CCDC91: variants seen among roughly 807,000 people sequenced by gnomAD.
CCDC91 encodes coiled-coil domain-containing protein 91.
Under a neutral mutation model 63.2 loss-of-function variants are expected in CCDC91, and 48 were observed. The observed-to-expected ratio is 0.76, with a 90% CI of 0.60 to 0.97. The LOEUF is 0.97. Ranked by LOEUF, CCDC91 falls within the 50% of genes least tolerant of loss-of-function variation. The pLI is 0.00. For missense variants in CCDC91, 500 were observed against 494.6 expected, an observed-to-expected ratio of 1.01 and a Z score of -0.10; for synonymous variants, 167 against 165.8, an observed-to-expected ratio of 1.01 and a Z score of -0.06.
intron 12 of CCDC91, among the ~76,000 whole-genome samples, chr12:28,542,697 G>T (rs534160134): frequency 9.9e-5 from 15 of 152,090 alleles, no homozygotes; most frequent in African/African-American, 3.6e-4. Flanking sequence ...TCCTGAAATT[G>T]GTTCAGAGTC....
At chr12:28,282,171 A>G (rs1948650361) in intron 3 of CCDC91, among the ~76,000 whole-genome samples, 1 of 152,214 alleles carries the variant, frequency 6.6e-6, no homozygotes, top group South Asian at 2.1e-4. Flanking sequence ...AATGCGTTTT[A>G]TTTTTCTTAC....
chr12:28,221,685 A>G, intron 1 of CCDC91, among the ~76,000 whole-genome samples: 1 of 152,192 alleles, frequency 6.6e-6, no homozygotes, highest in Non-Finnish European at 1.5e-5. Context: ...ATATATTACT[A>G]GGTTTATCCA....
intron 12 of CCDC91, among the ~76,000 whole-genome samples, chr12:28,525,768 T>C (rs544149046): frequency 6.6e-6 from 1 of 152,278 alleles, no homozygotes; most frequent in Non-Finnish European, 1.5e-5. Flanking sequence ...AATTGTTTTA[T>C]AAATTTGGGA....
chr12:28,224,440 TC>T (rs1944146250), intron 1 of CCDC91, among the ~76,000 whole-genome samples: 1 of 152,178 alleles, frequency 6.6e-6, no homozygotes, highest in African/African-American at 2.4e-5. Flanking sequence ...GGGGAGTATT[TC>T]CTCCCTTTTT....
intron 8 of CCDC91, among the ~76,000 whole-genome samples, chr12:28,398,944 T>G (rs1262513247): frequency 6.6e-6 from 1 of 152,232 alleles, no homozygotes; most frequent in African/African-American, 2.4e-5. Context: ...TCTGTCTTCC[T>G]TTTCACTTCT....
intron 8 of CCDC91, among the ~76,000 whole-genome samples, chr12:28,414,065 C>A (rs770695853): frequency 6.6e-6 from 1 of 152,190 alleles, no homozygotes; most frequent in Non-Finnish European, 1.5e-5. Context: ...CATTCAGGAA[C>A]ATTTCCAAGA....
At chr12:28,376,929 T>C (rs1169309330) in intron 7 of CCDC91, among the ~76,000 whole-genome samples, 1 of 151,804 alleles carries the variant, frequency 6.6e-6, no homozygotes, top group Non-Finnish European at 1.5e-5. Flanking sequence ...CATGGTACAA[T>C]AGTGAGTGGA....
At chr12:28,402,520 ATTTTTTTTT>A (rs57398967) in intron 8 of CCDC91, among the ~76,000 whole-genome samples, 24 of 51,944 alleles carry the variant, frequency 4.6e-4, no homozygotes, top group South Asian at 3.8e-3. Context: ...AGTTCCAGGA[ATTTTTTTTT>A]TTTTTTTTTT....
chr12:28,311,877 C>T (rs950576523), intron 6 of CCDC91, among the ~76,000 whole-genome samples: 2 of 151,876 alleles, frequency 1.3e-5, no homozygotes, highest in African/African-American at 2.4e-5. Context: ...CTGGCTATTC[C>T]ACTCCCCAGT....
At chr12:28,238,337 C>T (rs1945104497) in intron 1 of CCDC91, among the ~76,000 whole-genome samples, 1 of 152,096 alleles carries the variant, frequency 6.6e-6, no homozygotes, top group South Asian at 2.1e-4. Flanking sequence ...TGATATATAA[C>T]CTTGTATCTA....
At chr12:28,310,732 G>A (rs1359833702) in intron 6 of CCDC91, among the ~76,000 whole-genome samples, 4 of 151,844 alleles carry the variant, frequency 2.6e-5, no homozygotes, top group Admixed American at 6.6e-5. Flanking sequence ...CCAATTCTTT[G>A]TTTTTTATTT....
At chr12:28,331,033 A>C (rs1941459553) in intron 6 of CCDC91, among the ~76,000 whole-genome samples, 1 of 152,204 alleles carries the variant, frequency 6.6e-6, no homozygotes, top group Admixed American at 6.5e-5. Flanking sequence ...TTATGCTTCC[A>C]GATTAGAATT....
At chr12:28,300,596 G>A (rs1210983123) in intron 3 of CCDC91, among the ~76,000 whole-genome samples, 1 of 151,356 alleles carries the variant, frequency 6.6e-6, no homozygotes, top group African/African-American at 2.4e-5. Flanking sequence ...GGGTTGTTCT[G>A]TTCTCTCAAG....
intron 3 of CCDC91, among the ~76,000 whole-genome samples, chr12:28,291,546 G>T (rs534593303): frequency 6.1e-4 from 93 of 152,284 alleles, no homozygotes; most frequent in African/African-American, 2.2e-3. Flanking sequence ...CCACCAACCA[G>T]TGACCATGAA....
At chr12:28,517,427 T>C (rs1940073998) in intron 12 of CCDC91, among the ~76,000 whole-genome samples, 1 of 151,974 alleles carries the variant, frequency 6.6e-6, no homozygotes, top group Non-Finnish European at 1.5e-5. Context: ...TCTGTTTTGT[T>C]AAGTATAATG....
chr12:28,394,359 C>T (rs889538428), intron 8 of CCDC91, among the ~76,000 whole-genome samples: 17 of 151,692 alleles, frequency 1.1e-4, no homozygotes, highest in East Asian at 5.9e-4. Context: ...TCAGCTACTC[C>T]GGAGGCTAAG....
rs1944951432 is a variant in CCDC91, at chr12:28,236,412, A to C, written c.-14-20790A>C. On this transcript the variant is annotated intron_variant, in intron 1 of 12. Coordinates refer to ENST00000536442, the MANE Select transcript of CCDC91 (RefSeq NM_018318.5). ...AAATTTAATATTATTGCTGTATTGTAATCTTTTTCTGTTTAATTTTTTGGC... is the reference window on the plus strand; with the variant it reads ...AAATTTAATATTATTGCTGTATTGTCATCTTTTTCTGTTTAATTTTTTGGC... 3 of 152,172 alleles carry C rather than the reference A, an allele frequency of 2.0e-5. No homozygotes were observed. The South Asian group carries it at 6.2e-4, about 32-fold the overall frequency. 9.4% of individuals were successfully genotyped at this position (152,172 alleles called of 1,614,324 possible). A position where few individuals can be genotyped will look rare whatever the true frequency, so the allele number is the denominator to read the frequency against.
chr12:28,230,689 A>C (rs372616307), intron 1 of CCDC91, among the ~76,000 whole-genome samples: 2 of 152,070 alleles, frequency 1.3e-5, no homozygotes, highest in Non-Finnish European at 2.9e-5. Context: ...CAGTGGTGTG[A>C]TCATGGCTCA....
At chr12:28,298,955 C>T (rs1937740604) in intron 3 of CCDC91, among the ~76,000 whole-genome samples, 1 of 151,466 alleles carries the variant, frequency 6.6e-6, no homozygotes, top group African/African-American at 2.4e-5. Flanking sequence ...GATTATGCCA[C>T]AACTCAGGTA....
Sources: gnomAD v4.1 joint callset for allele counts (sites outside exome capture counted in the v4.1 genomes callset) on GRCh38, gnomAD v4.1.1 for gene constraint, MANE v1.5 for transcripts, NCBI Gene and HGNC (gene_info 2026-07-23, HGNC 2026-07-21) for gene names.